Variants in BTRC observed in about 807,000 individuals in gnomAD.
BTRC encodes beta-transducin repeat containing E3 ubiquitin protein ligase.
Under a neutral mutation model 85.5 loss-of-function variants are expected in BTRC, and 42 were observed. The observed-to-expected ratio is 0.49, with a 90% CI of 0.38 to 0.64. The LOEUF is 0.64. Among genes scored for constraint, BTRC ranks in the 30% least tolerant of loss-of-function variants. The pLI is 0.00. For missense variants in BTRC, 594 were observed against 743.5 expected (o/e 0.80, Z 2.34); for synonymous variants, 255 against 263.3 (o/e 0.97, Z 0.30).
chr10:101,511,000 C>T (rs990904903), intron 4 of BTRC, among the ~76,000 whole-genome samples: 1 of 152,162 alleles, frequency 6.6e-6, no homozygotes, highest in African/African-American at 2.4e-5. Context: ...CTTTCCAGCC[C>T]CTGCTCCATT....
At chr10:101,422,279 G>C (rs553788569) in intron 1 of BTRC, among the ~76,000 whole-genome samples, 1 of 152,186 alleles carries the variant, frequency 6.6e-6, no homozygotes, top group Non-Finnish European at 1.5e-5. Context: ...CTTCTGAGAA[G>C]TGTCTGTTCA....
intron 1 of BTRC, among the ~76,000 whole-genome samples, chr10:101,410,471 C>G (rs1943745540): frequency 6.6e-6 from 1 of 151,956 alleles, no homozygotes; most frequent in African/African-American, 2.4e-5. Flanking sequence ...AAATATTAGC[C>G]AGGCACGATG....
chr10:101,497,567 A>T (rs1424090211), intron 4 of BTRC, among the ~76,000 whole-genome samples: 1 of 152,144 alleles, frequency 6.6e-6, no homozygotes, highest in Non-Finnish European at 1.5e-5. Flanking sequence ...TTATCCAGGC[A>T]TGGTGGTGCG....
intron 5 of BTRC, among the ~76,000 whole-genome samples, chr10:101,523,615 C>T (rs1187693505): frequency 6.6e-6 from 1 of 152,102 alleles, no homozygotes; most frequent in African/African-American, 2.4e-5. Context: ...AGAACCCCAC[C>T]ATTCAGAAAG....
chr10:101,382,308 T>TA (rs896655689), intron 1 of BTRC, among the ~76,000 whole-genome samples: 7 of 151,264 alleles, frequency 4.6e-5, no homozygotes, highest in Admixed American at 1.3e-4. Context: ...TACAGCTCTT[T>TA]AAAAAAAAAT....
chr10:101,416,562 ATTG>A (rs1053195064), intron 1 of BTRC, among the ~76,000 whole-genome samples: 5 of 151,488 alleles, frequency 3.3e-5, no homozygotes, highest in East Asian at 1.9e-4. Context: ...TGTTGTTGTT[ATTG>A]TTGTTGTTGT....
intron 2 of BTRC, among the ~76,000 whole-genome samples, chr10:101,453,118 T>C (rs1944991701): frequency 6.6e-6 from 1 of 152,200 alleles, no homozygotes; most frequent in Admixed American, 6.5e-5. Context: ...AAATTGTAAA[T>C]TTATATTTGG....
At chr10:101,522,394 T>A (rs1352894261) in intron 5 of BTRC, among the ~76,000 whole-genome samples, 2 of 98,722 alleles carry the variant, frequency 2.0e-5, no homozygotes, top group African/African-American at 3.4e-5. Context: ...AAAAAAACTC[T>A]AGAAATAAAG....
At chr10:101,371,075 G>T (rs1590212475) in intron 1 of BTRC, among the ~76,000 whole-genome samples, 1 of 152,022 alleles carries the variant, frequency 6.6e-6, no homozygotes, top group Admixed American at 6.6e-5. Flanking sequence ...ATAATCTTTA[G>T]AACTTTTTTG....
intron 1 of BTRC, among the ~76,000 whole-genome samples, chr10:101,406,166 T>G (rs1308780626): frequency 6.6e-6 from 1 of 152,112 alleles, no homozygotes; most frequent in African/African-American, 2.4e-5. Context: ...TAGTCCTCTT[T>G]ATTACTGCTT....
chr10:101,366,714 G>T (rs935353365), intron 1 of BTRC, among the ~76,000 whole-genome samples: 1 of 137,098 alleles, frequency 7.3e-6, no homozygotes, highest in Non-Finnish European at 1.5e-5. Context: ...TTTGAGTATA[G>T]CAGATAAGGA....
chr10:101,427,113 C>CT (rs138285266), intron 1 of BTRC, among the ~76,000 whole-genome samples: 2,522 of 109,238 alleles, frequency 0.023, 71 homozygotes, highest in East Asian at 0.052. Flanking sequence ...TTTTTTCTTT[C>CT]TTTTTTTTTT....
chr10:101,379,302 A>G (rs1256384279), intron 1 of BTRC, among the ~76,000 whole-genome samples: 2 of 152,190 alleles, frequency 1.3e-5, no homozygotes, highest in Admixed American at 6.5e-5. Flanking sequence ...ACTACATACA[A>G]TTCTTAGGTT....
chr10:101,431,117 C>T (rs1482276280), intron 2 of BTRC, among the ~76,000 whole-genome samples: 2 of 118,734 alleles, frequency 1.7e-5, no homozygotes, highest in African/African-American at 3.2e-5. Flanking sequence ...TGCTTCATGG[C>T]GCAAGCTGGA....
intron 1 of BTRC, among the ~76,000 whole-genome samples, chr10:101,373,592 A>C (rs1942701398): frequency 6.6e-6 from 1 of 152,128 alleles, no homozygotes; most frequent in Non-Finnish European, 1.5e-5. Context: ...TATAATAAGG[A>C]GACTTTGAAT....
chr10:101,484,660 G>T (rs1945935478), intron 4 of BTRC, among the ~76,000 whole-genome samples: 1 of 152,152 alleles, frequency 6.6e-6, no homozygotes, highest in Non-Finnish European at 1.5e-5. Context: ...CTTCACACAG[G>T]CGCCTCTGTC....
rs1564729759 is a variant in BTRC, at chr10:101,366,814, A to ATATATTAATATATATATATATATTTATG, written c.48+12601_48+12602insATATATATTTATGTATATTAATATATAT. 1.2e-4 allele frequency among the ~76,000 whole-genome samples: 6 copies of ATATATTAATATATATATATATATTTATG among 48,276 alleles called. 1 individual carries two copies. In the East Asian group the frequency reaches 3.5e-3, roughly 28 times the overall value. The allele number at this position is 48,276 out of a possible 152,430, so 31.7% of individuals were successfully genotyped here. A position where few individuals can be genotyped will look rare whatever the true frequency, so the allele number is the denominator to read the frequency against. On this transcript the variant is annotated intron_variant, in intron 1 of 14. Coordinates refer to ENST00000370187, the MANE Select transcript of BTRC (RefSeq NM_033637.4). Reference sequence around the variant, plus strand: ...TTTTTACATTTATATATATATTTATATATATTAATATATATTTATATATAT... The same window carrying ATATATTAATATATATATATATATTTATG: ...TTTTTACATTTATATATATATTTATATATATTAATATATATATATATATTTATGTATATTAATATATATTTATATATAT...
chr10:101,383,565 T>C (rs1942993177), intron 1 of BTRC, among the ~76,000 whole-genome samples: 1 of 152,108 alleles, frequency 6.6e-6, no homozygotes, highest in Admixed American at 6.5e-5. Flanking sequence ...AGTGGTTCGA[T>C]CCTAGCTTAT....
chr10:101,515,512 T>A (rs9420850), intron 4 of BTRC, among the ~76,000 whole-genome samples: 55,821 of 151,228 alleles, frequency 0.37, 11,463 homozygotes, highest in Middle Eastern at 0.49. Context: ...ACAAATTTTA[T>A]CCATTTTTTT....
Sources: gnomAD v4.1 joint callset for allele counts (sites outside exome capture counted in the v4.1 genomes callset) on GRCh38, gnomAD v4.1.1 for gene constraint, MANE v1.5 for transcripts, NCBI Gene and HGNC (gene_info 2026-07-23, HGNC 2026-07-21) for gene names.